Variants in TTC7A observed in about 807,000 individuals in gnomAD.
The protein encoded by TTC7A is tetratricopeptide repeat protein 7A.
TTC7A carries 110 observed loss-of-function variants against 103.7 expected under a neutral mutation model. The observed-to-expected ratio is 1.06, with a 90% CI of 0.91 to 1.24. The LOEUF (loss-of-function observed/expected upper bound fraction) is 1.24. Ranked by LOEUF, TTC7A falls within the 50% of genes most tolerant of loss-of-function variation. The probability of loss-of-function intolerance (pLI) is 0.00; values close to 1 mark genes in which losing one functional copy is unlikely to be tolerated. For synonymous variants in TTC7A, 521 were observed against 467.9 expected, an observed-to-expected ratio of 1.11 and a Z score of -1.47; for missense variants, 1,340 against 1,116.3, an observed-to-expected ratio of 1.20 and a Z score of -2.86.
chr2:46,921,377 G>A (rs1669094079), intron 2 of TTC7A, among the ~76,000 whole-genome samples: 1 of 152,136 alleles, frequency 6.6e-6, no homozygotes, highest in Admixed American at 6.5e-5. Context: ...AAGTAGAAAT[G>A]GAAATGCTTA....
chr2:46,917,188 G>C (rs1486435633), exon 2 of TTC7A: 2 of 700,640 alleles, frequency 2.9e-6, no homozygotes, highest in African/African-American at 3.5e-5. Flanking sequence ...TTAAAGAAAA[G>C]AGTCTCCATG....
intron 8 of TTC7A, among the ~76,000 whole-genome samples, chr2:46,997,603 C>A (rs1050104727): frequency 2.8e-4 from 42 of 151,812 alleles, no homozygotes; most frequent in African/African-American, 9.7e-4. Context: ...TCGAACATGT[C>A]CTTCTCCCTC....
At chr2:46,928,710 C>G (rs1357265365) in intron 2 of TTC7A, among the ~76,000 whole-genome samples, 1 of 151,486 alleles carries the variant, frequency 6.6e-6, no homozygotes, top group African/African-American at 2.4e-5. Flanking sequence ...GTTGAGGCTG[C>G]AGTGAGCTGT....
At chr2:47,004,101 A>G (rs946386775) in intron 8 of TTC7A, among the ~76,000 whole-genome samples, 60 of 152,248 alleles carry the variant, frequency 3.9e-4, no homozygotes, top group African/African-American at 1.4e-3. Context: ...CCTGTTCCAC[A>G]GGCTGACTCC....
At chr2:47,005,118 C>T (rs1416627097) in intron 8 of TTC7A, among the ~76,000 whole-genome samples, 1 of 152,192 alleles carries the variant, frequency 6.6e-6, no homozygotes, top group Non-Finnish European at 1.5e-5. Flanking sequence ...CGGCGCTGGA[C>T]GCCAAGAGCA....
At chr2:47,065,516 G>A (rs964607658) in intron 19 of TTC7A, among the ~76,000 whole-genome samples, 4 of 152,196 alleles carry the variant, frequency 2.6e-5, no homozygotes, top group Admixed American at 6.5e-5. Flanking sequence ...AGGTTCTAAC[G>A]TTGTCTTCTG....
chr2:47,018,478 G>A (rs1678924742), intron 11 of TTC7A, among the ~76,000 whole-genome samples: 1 of 151,538 alleles, frequency 6.6e-6, no homozygotes, highest in African/African-American at 2.4e-5. Flanking sequence ...CAGCTACTTG[G>A]GAGGCTGAGG....
chr2:46,976,121 A>G (rs1199529065), intron 4 of TTC7A, among the ~76,000 whole-genome samples: 1 of 152,248 alleles, frequency 6.6e-6, no homozygotes, highest in Non-Finnish European at 1.5e-5. Context: ...TATTCAACAG[A>G]GATCCTGCTA....
At chr2:46,947,617 T>C (rs1367149890) in intron 1 of TTC7A, among the ~76,000 whole-genome samples, 1 of 152,168 alleles carries the variant, frequency 6.6e-6, no homozygotes, top group Non-Finnish European at 1.5e-5. Flanking sequence ...CTCAGTAGGC[T>C]GAGGCAGGAG....
At position 47,060,814 on chromosome 2, in the gene TTC7A, G is replaced by A. The variant is rs768415074; in HGVS notation, c.2198G>A (p.Cys733Tyr). Residue 733 changes from cysteine (C) to tyrosine (Y), a missense_variant, in exon 19 of 20, where the codon TGC (cysteine) becomes TAC (tyrosine). Transcript: ENST00000319190. ...EQQHLKEAGFCIQEAAGLFPT... is the reference protein window; with the variant it reads ...EQQHLKEAGFYIQEAAGLFPT... The stretch of plus-strand genomic sequence containing the variant: ...CAGCACCTCAAGGAAGCAGGTTTCT[G>A]CATCCAGGAGGCGGCGGGCCTCTTC... 6.2e-7 allele frequency: 1 copy of A among 1,613,256 alleles called. No homozygotes were observed. Among genetic ancestry groups the A allele is most frequent in the Non-Finnish European group, 8.5e-7 (1 of 1,179,328 alleles).
chr2:46,978,971 C>G, intron 5 of TTC7A, 64 bp downstream of exon 5: 2 of 1,192,474 alleles, frequency 1.7e-6, no homozygotes, highest in Non-Finnish European at 1.2e-6. Flanking sequence ...TTTGACGTGG[C>G]CTTAAGGCTG....
Position 47,073,660 on chromosome 2 carries a change from A to G in TTC7A, c.2356-42A>G, listed in dbSNP as rs780157261. The G allele has an allele frequency of 6.3e-6, 10 of 1,585,052 alleles. No individual in the cohort carries two copies. In the Admixed American group the frequency reaches 1.2e-4, roughly 19 times the overall value. On this transcript the variant is annotated intron_variant, in intron 19 of 19. Transcript: ENST00000319190. ...GCCCAGTTGCCAAGATGCCTGTGCC[A>G]TGGGACACCCCTACTCACCCTGCCC...
intron 2 of TTC7A, among the ~76,000 whole-genome samples, chr2:46,954,919 C>T (rs950135067): frequency 1.3e-5 from 2 of 152,100 alleles, no homozygotes; most frequent in East Asian, 1.9e-4. Flanking sequence ...ACATGCCCTG[C>T]ATTGTCTAAT....
intron 19 of TTC7A, chr2:47,068,595 G>C (rs539187498): frequency 4.2e-4 from 64 of 152,170 alleles, no homozygotes; most frequent in African/African-American, 1.3e-3. Context: ...AGAGGGTTCT[G>C]CAGGCCCATG....
chr2:46,956,001 A>C (rs1671824201), intron 2 of TTC7A, among the ~76,000 whole-genome samples: 1 of 152,190 alleles, frequency 6.6e-6, no homozygotes, highest in Non-Finnish European at 1.5e-5. Context: ...AACTGGGGCC[A>C]TGTCCAAGGT....
chr2:46,927,882 G>GTT, intron 2 of TTC7A, among the ~76,000 whole-genome samples: 1 of 123,250 alleles, frequency 8.1e-6, no homozygotes, highest in Non-Finnish European at 1.7e-5. Context: ...GGTTTTTTTG[G>GTT]TGTTTTTTTT....
chr2:47,038,207 C>T (rs1467118785), intron 15 of TTC7A, among the ~76,000 whole-genome samples: 2 of 151,178 alleles, frequency 1.3e-5, no homozygotes, highest in African/African-American at 2.4e-5. Flanking sequence ...TGCAGTGAGC[C>T]GAGATCACGC....
At chr2:47,017,048 A>G (rs939754768) in intron 11 of TTC7A, among the ~76,000 whole-genome samples, 1 of 151,806 alleles carries the variant, frequency 6.6e-6, no homozygotes, top group Non-Finnish European at 1.5e-5. Context: ...AAAATAACAA[A>G]AATTAGCCAG....
At chr2:47,071,448 T>C (rs530832834) in intron 19 of TTC7A, among the ~76,000 whole-genome samples, 32 of 152,330 alleles carry the variant, frequency 2.1e-4, no homozygotes, top group South Asian at 1.9e-3. Flanking sequence ...AAGGACCCTC[T>C]GCTCATCTTG....
Sources: allele counts gnomAD v4.1 joint callset (sites outside exome capture counted in the v4.1 genomes callset), GRCh38; gene constraint gnomAD v4.1.1; transcripts MANE v1.5; gene names NCBI Gene and HGNC (gene_info 2026-07-23, HGNC 2026-07-21).